Variants in GRIK2 observed in about 807,000 individuals in gnomAD.
The protein encoded by GRIK2 is glutamate receptor ionotropic, kainate 2.
GRIK2 carries 32 observed loss-of-function variants against 100.3 expected under a neutral mutation model. That is an observed-to-expected ratio of 0.32 (90% confidence interval 0.24 to 0.43). The LOEUF is 0.43. Ranked by LOEUF, GRIK2 falls within the 20% of genes least tolerant of loss-of-function variation. The pLI is 1.00. For synonymous variants in GRIK2, 417 were observed against 389.4 expected, an observed-to-expected ratio of 1.07 and a Z score of -0.83; for missense variants, 843 against 1,114.9, an observed-to-expected ratio of 0.76 and a Z score of 3.47.
intron 14 of GRIK2, among the ~76,000 whole-genome samples, chr6:102,012,294 G>A (rs1451408133): frequency 2.0e-5 from 3 of 151,760 alleles, no homozygotes; most frequent in Admixed American, 2.0e-4. Flanking sequence ...CTCTTACTTT[G>A]TTCTTCCCTT....
intron 2 of GRIK2, among the ~76,000 whole-genome samples, chr6:101,530,747 C>A (rs2128284594): frequency 6.6e-6 from 1 of 151,972 alleles, no homozygotes; most frequent in South Asian, 2.1e-4. Context: ...TTATGGATGA[C>A]ATTTAAGAGG....
At chr6:101,661,409 G>A (rs1769600282) in intron 4 of GRIK2, among the ~76,000 whole-genome samples, 2 of 152,034 alleles carry the variant, frequency 1.3e-5, no homozygotes, top group African/African-American at 4.8e-5. Flanking sequence ...AGCTTGCTGG[G>A]CTCGGTGGGG....
chr6:101,627,115 C>CTGTG (rs748152110), intron 4 of GRIK2, among the ~76,000 whole-genome samples: 10 of 122,480 alleles, frequency 8.2e-5, no homozygotes, highest in African/African-American at 3.2e-4. Context: ...GTGTGTGTGT[C>CTGTG]TCTGTGTGTG....
intron 10 of GRIK2, among the ~76,000 whole-genome samples, chr6:101,828,566 A>G (rs905554614): frequency 6.6e-6 from 1 of 151,932 alleles, no homozygotes. Context: ...CCAACTAAGC[A>G]CAACTGAACA....
chr6:101,845,748 T>A (rs964795610), intron 10 of GRIK2, among the ~76,000 whole-genome samples: 12 of 152,200 alleles, frequency 7.9e-5, no homozygotes, highest in Admixed American at 5.2e-4. Flanking sequence ...ATTTTTTTTA[T>A]AGCAGCTGCA....
chr6:101,615,981 C>T (rs765159367), intron 2 of GRIK2, among the ~76,000 whole-genome samples: 5 of 151,754 alleles, frequency 3.3e-5, no homozygotes, highest in Non-Finnish European at 7.4e-5. Context: ...ATCTTCACAT[C>T]TGCAGATTAC....
At chr6:101,915,863 A>AT (rs985576436) in intron 12 of GRIK2, among the ~76,000 whole-genome samples, 9 of 151,440 alleles carry the variant, frequency 5.9e-5, no homozygotes, top group Admixed American at 1.3e-4. Context: ...CCCGGAAGGT[A>AT]TTTTTTCCCC....
intron 11 of GRIK2, among the ~76,000 whole-genome samples, chr6:101,861,466 C>T (rs6570994): frequency 0.1 from 15,216 of 152,038 alleles, 2,102 homozygotes; most frequent in African/African-American, 0.32. Context: ...CACAAATATA[C>T]CAGTGCTTTC....
chr6:102,061,308 A>C (rs976573129), intron 16 of GRIK2, among the ~76,000 whole-genome samples: 4 of 150,602 alleles, frequency 2.7e-5, no homozygotes, highest in African/African-American at 9.7e-5. Context: ...ATTTGAATAC[A>C]AAACTACCCT....
At chr6:101,552,130 T>C (rs1210867634) in intron 2 of GRIK2, among the ~76,000 whole-genome samples, 2 of 152,140 alleles carry the variant, frequency 1.3e-5, no homozygotes, top group African/African-American at 4.8e-5. Context: ...ACTTGTACTT[T>C]AGAAAAGAGG....
At chr6:101,737,848 T>C (rs1775751792) in intron 7 of GRIK2, among the ~76,000 whole-genome samples, 1 of 152,120 alleles carries the variant, frequency 6.6e-6, no homozygotes, top group Non-Finnish European at 1.5e-5. Flanking sequence ...GAATGGTGCA[T>C]TGTGAAAGAA....
chr6:101,965,712 A>T (rs1792623936), intron 14 of GRIK2, among the ~76,000 whole-genome samples: 1 of 152,140 alleles, frequency 6.6e-6, no homozygotes, highest in Admixed American at 6.6e-5. Flanking sequence ...ACAAAGCATC[A>T]GTCATAAATT....
At chr6:101,658,574 T>C (rs1403388806) in intron 4 of GRIK2, among the ~76,000 whole-genome samples, 2 of 120,202 alleles carry the variant, frequency 1.7e-5, no homozygotes, top group African/African-American at 5.4e-5. Flanking sequence ...TACTCAGTAG[T>C]GGGATTGCTG....
At chr6:102,040,638 T>C (rs1287539279) in intron 15 of GRIK2, among the ~76,000 whole-genome samples, 1 of 151,616 alleles carries the variant, frequency 6.6e-6, no homozygotes, top group African/African-American at 2.4e-5. Flanking sequence ...GTACGTTGTT[T>C]GTTTGAGGCA....
intron 2 of GRIK2, among the ~76,000 whole-genome samples, chr6:101,538,809 T>C (rs915044476): frequency 6.6e-6 from 1 of 151,832 alleles, no homozygotes. Context: ...CGAATAAATA[T>C]CTGAGATTTT....
At chr6:101,968,761 G>GA (rs35420734) in intron 14 of GRIK2, among the ~76,000 whole-genome samples, 55,833 of 151,498 alleles carry the variant, frequency 0.37, 11,062 homozygotes, top group South Asian at 0.48. Context: ...TCTCTGAGGG[G>GA]AAAAAATCAC....
At chr6:101,829,052 C>T (rs1286031190) in intron 10 of GRIK2, among the ~76,000 whole-genome samples, 2 of 151,806 alleles carry the variant, frequency 1.3e-5, no homozygotes, top group African/African-American at 4.8e-5. Context: ...CACATGAAAA[C>T]ATTAGTTCAA....
At chr6:101,543,476 A>G (rs1776098790) in intron 2 of GRIK2, among the ~76,000 whole-genome samples, 1 of 152,200 alleles carries the variant, frequency 6.6e-6, no homozygotes, top group Admixed American at 6.5e-5. Flanking sequence ...TCTGAACAAT[A>G]CCATCACAAA....
chr6:101,467,635 T>A (rs1320905990), intron 2 of GRIK2, among the ~76,000 whole-genome samples: 1 of 152,192 alleles, frequency 6.6e-6, no homozygotes, highest in African/African-American at 2.4e-5. Flanking sequence ...AGGGCAAAAA[T>A]TTGTGTTAGA....
Sources: gnomAD v4.1 joint callset for allele counts (sites outside exome capture counted in the v4.1 genomes callset) on GRCh38, gnomAD v4.1.1 for gene constraint, MANE v1.5 for transcripts, NCBI Gene and HGNC (gene_info 2026-07-23, HGNC 2026-07-21) for gene names.